Variants in HDHD2 observed in about 807,000 individuals in gnomAD.
HDHD2 encodes haloacid dehalogenase like hydrolase domain containing 2, also known as haloacid dehalogenase-like hydrolase domain-containing protein 2.
Under a neutral mutation model 24.8 loss-of-function variants are expected in HDHD2, and 26 were observed. The observed-to-expected ratio is 1.05, with a 90% CI of 0.77 to 1.45. The LOEUF (loss-of-function observed/expected upper bound fraction) is 1.45. Among genes scored for constraint, HDHD2 ranks in the 40% most tolerant of loss-of-function variants. HDHD2 has a pLI of 0.00. For missense variants in HDHD2, 299 were observed against 313.4 expected, an observed-to-expected ratio of 0.95 and a Z score of 0.35; for synonymous variants, 128 against 114.9, an observed-to-expected ratio of 1.11 and a Z score of -0.73.
intron 1 of HDHD2, among the ~76,000 whole-genome samples, chr18:47,144,124 A>T (rs2063844867): frequency 6.6e-6 from 1 of 152,116 alleles, no homozygotes; most frequent in Non-Finnish European, 1.5e-5. Context: ...GGTGCAAGGA[A>T]AAAAAGAATT....
intron 4 of HDHD2, among the ~76,000 whole-genome samples, chr18:47,124,429 G>A (rs998742300): frequency 2.6e-5 from 4 of 152,102 alleles, no homozygotes; most frequent in African/African-American, 4.8e-5. Context: ...CTCTAAGGCC[G>A]GGCGCAGTGG....
intron 4 of HDHD2, among the ~76,000 whole-genome samples, chr18:47,127,321 T>C (rs1213576767): frequency 6.6e-6 from 1 of 152,218 alleles, no homozygotes. Flanking sequence ...AAAAAGCATG[T>C]TACTATATAG....
chr18:47,145,659 A>G (rs2063862375), intron 1 of HDHD2, among the ~76,000 whole-genome samples: 1 of 152,232 alleles, frequency 6.6e-6, no homozygotes, highest in Non-Finnish European at 1.5e-5. Context: ...GTTTAAGGCA[A>G]AACTAAAACT....
intron 1 of HDHD2, chr18:47,150,069 G>A (rs1368441699): frequency 6.6e-6 from 1 of 152,380 alleles, no homozygotes; most frequent in Non-Finnish European, 1.5e-5. Flanking sequence ...GACCAGGAGG[G>A]ACGCTAGCTC....
chr18:47,124,754 AG>A (rs2063641859), intron 4 of HDHD2, among the ~76,000 whole-genome samples: 3 of 152,000 alleles, frequency 2.0e-5, no homozygotes, highest in Admixed American at 2.0e-4. Flanking sequence ...AGTAAGAAAA[AG>A]ACATCCCAAT....
At chr18:47,121,329 A>C (rs531906842) in intron 4 of HDHD2, among the ~76,000 whole-genome samples, 7 of 152,146 alleles carry the variant, frequency 4.6e-5, no homozygotes, top group African/African-American at 1.7e-4. Flanking sequence ...TTTCTTTCCC[A>C]ATCTTTCCCA....
In HDHD2 at chr18:47,108,739, G is replaced by A; in HGVS notation, c.723C>T (p.Tyr241=). The A allele has an allele frequency of 6.2e-7, 1 of 1,611,732 alleles. No individual in the cohort carries two copies. The highest frequency in any genetic ancestry group is 8.5e-7 in the Non-Finnish European group (1 of 1,178,252). ...SDEEKINPPP[Y]LTCESFPHAV... Reference sequence around the variant, plus strand: ...CATGAGGGAAACTCTCACAAGTTAAGTAAGGAGGTGGATTAATTTTTTCTT... The same window carrying A: ...CATGAGGGAAACTCTCACAAGTTAAATAAGGAGGTGGATTAATTTTTTCTT... The change falls in exon 7 of 7, where the codon TAC becomes TAT. Residue 241 remains tyrosine, a synonymous_variant. Coordinates refer to ENST00000300605, the MANE Select transcript of HDHD2 (RefSeq NM_032124.5).
Position 47,115,262 on chromosome 18 carries a change from G to A in HDHD2, c.482C>T (p.Pro161Leu). 1 of 1,613,996 alleles carries A rather than the reference G, an allele frequency of 6.2e-7. No homozygotes were observed. Among genetic ancestry groups the A allele is most frequent in the East Asian group, 2.2e-5 (1 of 44,880 alleles). ...RKDGLALGPG[P>L]FVTALEYATD... ...GGCATACTCTAAAGCAGTCACAAAT[G>A]GTCCAGGCCCCAGGGCTAAGCCATC... Residue 161 changes from proline to leucine, a missense_variant, in exon 5 of 7, where the codon CCA (proline) becomes CTA (leucine). Coordinates refer to ENST00000300605, the MANE Select transcript of HDHD2 (RefSeq NM_032124.5).
intron 6 of HDHD2, chr18:47,111,076 T>C: frequency 1.0e-6 from 1 of 985,448 alleles, no homozygotes; most frequent in Non-Finnish European, 1.2e-6. Flanking sequence ...CACATGTTTT[T>C]AGAACAGTAG....
At chr18:47,126,517 C>A (rs1332448836) in intron 4 of HDHD2, among the ~76,000 whole-genome samples, 2 of 152,008 alleles carry the variant, frequency 1.3e-5, no homozygotes, top group East Asian at 3.9e-4. Context: ...ATCTCTAAGA[C>A]TTTTGGAGGA....
intron 1 of HDHD2, among the ~76,000 whole-genome samples, chr18:47,144,015 C>T (rs2063843487): frequency 6.6e-6 from 1 of 151,796 alleles, no homozygotes; most frequent in African/African-American, 2.4e-5. Context: ...GGCTAAGAAT[C>T]AAATTAACTC....
intron 5 of HDHD2, among the ~76,000 whole-genome samples, 158 bp from the exon 6 acceptor site, chr18:47,113,198 A>G (rs2063530027): frequency 6.6e-6 from 1 of 152,228 alleles, no homozygotes; most frequent in African/African-American, 2.4e-5. Context: ...CACATGTAAT[A>G]CTCTGAGGAA....
chr18:47,127,794 G>GT (rs1391365241), intron 4 of HDHD2, among the ~76,000 whole-genome samples: 3 of 151,508 alleles, frequency 2.0e-5, no homozygotes, highest in Non-Finnish European at 4.4e-5. Flanking sequence ...TGTACTATGC[G>GT]TTTTTGTGGG....
chr18:47,129,432 T>G (rs1301681117), intron 4 of HDHD2, among the ~76,000 whole-genome samples: 1 of 152,034 alleles, frequency 6.6e-6, no homozygotes, highest in Admixed American at 6.6e-5. Flanking sequence ...ACTCATCACC[T>G]CTTAAATCCC....
chr18:47,132,302 T>G (rs948331020), intron 3 of HDHD2, among the ~76,000 whole-genome samples: 9 of 152,204 alleles, frequency 5.9e-5, no homozygotes, highest in African/African-American at 1.7e-4. Flanking sequence ...CTACAAAGCA[T>G]TCCATTTTGT....
chr18:47,108,793 G>C lies in HDHD2; in HGVS notation c.677-8C>G. 6.4e-7 allele frequency: 1 copy of C among 1,566,932 alleles called. No individual in the cohort carries two copies. Among genetic ancestry groups the C allele is most frequent in the Non-Finnish European group, 8.8e-7 (1 of 1,138,348 alleles). Reference sequence around the variant, plus strand: ...CTGATGCTCGATATTTCCCTGAAATGAAAGTAAAGCCAGTAAACACAGGCT... The same window carrying C: ...CTGATGCTCGATATTTCCCTGAAATCAAAGTAAAGCCAGTAAACACAGGCT... On this transcript the variant is annotated splice_polypyrimidine_tract_variant and splice_region_variant and intron_variant, in intron 6 of 6. Coordinates refer to ENST00000300605, the MANE Select transcript of HDHD2 (RefSeq NM_032124.5).
At chr18:47,146,322 A>G (rs2063870089) in intron 1 of HDHD2, among the ~76,000 whole-genome samples, 1 of 152,170 alleles carries the variant, frequency 6.6e-6, no homozygotes, top group South Asian at 2.1e-4. Flanking sequence ...AATTTCAAGC[A>G]CAGTGAGATC....
intron 3 of HDHD2, among the ~76,000 whole-genome samples, chr18:47,131,944 T>A (rs1180119882): frequency 6.6e-6 from 1 of 152,214 alleles, no homozygotes; most frequent in East Asian, 1.9e-4. Context: ...TTCATTTCTA[T>A]TTGGAGGCTG....
At chr18:47,125,361 C>T (rs945601191) in intron 4 of HDHD2, among the ~76,000 whole-genome samples, 2 of 152,136 alleles carry the variant, frequency 1.3e-5, no homozygotes, top group African/African-American at 2.4e-5. Flanking sequence ...AATTACCTAT[C>T]GTACTATCTA....
Sources: gnomAD v4.1 joint callset for allele counts (sites outside exome capture counted in the v4.1 genomes callset) on GRCh38, gnomAD v4.1.1 for gene constraint, MANE v1.5 for transcripts, NCBI Gene and HGNC (gene_info 2026-07-23, HGNC 2026-07-21) for gene names.